TEAD1: variants seen among roughly 807,000 people sequenced by gnomAD.
The protein encoded by TEAD1 is TEA domain transcription factor 1.
Under a neutral mutation model 54.9 loss-of-function variants are expected in TEAD1, and 9 were observed. The observed-to-expected ratio is 0.16, with a 90% confidence interval of 0.10 to 0.29. TEAD1 has a LOEUF of 0.29. Ranked by LOEUF, TEAD1 falls within the 10% of genes least tolerant of loss-of-function variation. The probability of loss-of-function intolerance (pLI) is 1.00; values close to 1 mark genes in which losing one functional copy is unlikely to be tolerated. For missense variants in TEAD1, 387 were observed against 535.9 expected, an observed-to-expected ratio of 0.72 and a Z score of 2.74; for synonymous variants, 200 against 187.8, an observed-to-expected ratio of 1.07 and a Z score of -0.53.
At chr11:12,895,165 A>G (rs1015891906) in intron 9 of TEAD1, among the ~76,000 whole-genome samples, 4 of 152,068 alleles carry the variant, frequency 2.6e-5, no homozygotes, top group African/African-American at 9.7e-5. Flanking sequence ...TGACCCATAG[A>G]GCAGCTTTGA....
chr11:12,695,048 C>G (rs1943551252), intron 2 of TEAD1, among the ~76,000 whole-genome samples: 1 of 152,172 alleles, frequency 6.6e-6, no homozygotes, highest in African/African-American at 2.4e-5. Context: ...AAAGCAAATG[C>G]AAAAGTTTGC....
chr11:12,907,822 A>G (rs1181355451), intron 10 of TEAD1, among the ~76,000 whole-genome samples: 1 of 152,090 alleles, frequency 6.6e-6, no homozygotes, highest in Non-Finnish European at 1.5e-5. Context: ...CATCTGCTAG[A>G]CTCCAGAATC....
At chr11:12,781,968 A>AAAAG (rs1185531396) in intron 3 of TEAD1, among the ~76,000 whole-genome samples, 113 of 135,606 alleles carry the variant, frequency 8.3e-4, no homozygotes, top group African/African-American at 3.9e-3. Context: ...AAAAAAAAAA[A>AAAAG]AAAGAAAGAA....
intron 3 of TEAD1, among the ~76,000 whole-genome samples, chr11:12,769,345 A>G (rs1009122433): frequency 1.3e-5 from 2 of 152,148 alleles, no homozygotes; most frequent in African/African-American, 2.4e-5. Context: ...CAGAAGTCAG[A>G]AGAGGAAAGA....
chr11:12,849,842 A>G (rs1947232949), intron 3 of TEAD1, among the ~76,000 whole-genome samples: 1 of 152,216 alleles, frequency 6.6e-6, no homozygotes, highest in Admixed American at 6.5e-5. Flanking sequence ...TCAAATTAAA[A>G]GATTTGTGCC....
intron 3 of TEAD1, among the ~76,000 whole-genome samples, chr11:12,773,871 T>A (rs1609442): frequency 0.36 from 54,372 of 152,084 alleles, 10,117 homozygotes; most frequent in South Asian, 0.61. Context: ...TGCCTAGCCC[T>A]AGGTCCTGAA....
chr11:12,705,133 A>G (rs1943786676), intron 2 of TEAD1, among the ~76,000 whole-genome samples: 1 of 152,188 alleles, frequency 6.6e-6, no homozygotes, highest in Non-Finnish European at 1.5e-5. Flanking sequence ...GGCTGGAAGG[A>G]GGGATGAGGC....
intron 3 of TEAD1, chr11:12,823,755 A>G (rs1946598058): frequency 1.3e-5 from 2 of 152,198 alleles, no homozygotes; most frequent in African/African-American, 2.4e-5. Flanking sequence ...TTTTTGTCCA[A>G]AATCCCATTA....
intron 12 of TEAD1, among the ~76,000 whole-genome samples, chr11:12,936,348 T>G (rs1213189215): frequency 1.3e-5 from 2 of 152,172 alleles, no homozygotes; most frequent in Non-Finnish European, 1.5e-5. Flanking sequence ...CAATACATTT[T>G]GAAAGATAAA....
chr11:12,677,548 C>T (rs1024631057), intron 2 of TEAD1, among the ~76,000 whole-genome samples: 2 of 152,144 alleles, frequency 1.3e-5, no homozygotes, highest in African/African-American at 4.8e-5. Context: ...CCTGCTTGAG[C>T]TTCAGCAGTT....
chr11:12,887,869 G>A (rs1414557475), intron 9 of TEAD1, among the ~76,000 whole-genome samples: 1 of 152,118 alleles, frequency 6.6e-6, no homozygotes, highest in African/African-American at 2.4e-5. Flanking sequence ...TAATTAAAGG[G>A]CCCTAAGTAA....
At chr11:12,698,290 G>A (rs1048887290) in intron 2 of TEAD1, among the ~76,000 whole-genome samples, 39 of 152,064 alleles carry the variant, frequency 2.6e-4, no homozygotes, top group African/African-American at 7.7e-4. Flanking sequence ...TCCTTGCTGC[G>A]CTCTCTCTTT....
chr11:12,722,205 A>C (rs1944217946), intron 2 of TEAD1, among the ~76,000 whole-genome samples: 1 of 152,218 alleles, frequency 6.6e-6, no homozygotes, highest in South Asian at 2.1e-4. Context: ...CTACAGTGAC[A>C]AGATGGGCCA....
At chr11:12,787,954 A>G (rs1945713348) in intron 3 of TEAD1, among the ~76,000 whole-genome samples, 1 of 146,802 alleles carries the variant, frequency 6.8e-6, no homozygotes, top group Admixed American at 7.0e-5. Flanking sequence ...GACTGTATAA[A>G]TCTTTCACTT....
intron 5 of TEAD1, among the ~76,000 whole-genome samples, chr11:12,866,677 A>C (rs1356026484): frequency 6.6e-6 from 1 of 152,186 alleles, no homozygotes; most frequent in Non-Finnish European, 1.5e-5. Context: ...AAGCAGTAGG[A>C]TAGCAACTGG....
chr11:12,767,624 C>T (rs996548266), intron 3 of TEAD1, among the ~76,000 whole-genome samples: 26 of 152,092 alleles, frequency 1.7e-4, no homozygotes, highest in East Asian at 3.9e-4. Context: ...TTTTGGCCAC[C>T]GGAGGAGGTG....
intron 2 of TEAD1, among the ~76,000 whole-genome samples, chr11:12,750,345 C>A (rs1435236514): frequency 2.0e-5 from 3 of 152,084 alleles, no homozygotes; most frequent in Non-Finnish European, 4.4e-5. Context: ...AGGTACCGAG[C>A]AGAGTTAATC....
intron 2 of TEAD1, among the ~76,000 whole-genome samples, chr11:12,750,960 C>G (rs1944857685): frequency 6.6e-6 from 1 of 152,158 alleles, no homozygotes; most frequent in Admixed American, 6.5e-5. Context: ...ACCATTCAGT[C>G]CTGTTTTTTG....
At chr11:12,787,790 T>C (rs994991005) in intron 3 of TEAD1, among the ~76,000 whole-genome samples, 3 of 152,200 alleles carry the variant, frequency 2.0e-5, no homozygotes, top group African/African-American at 7.2e-5. Flanking sequence ...AAAATTATGT[T>C]TTTTGGAGAA....
Sources: gnomAD v4.1 joint callset for allele counts (sites outside exome capture counted in the v4.1 genomes callset) on GRCh38, gnomAD v4.1.1 for gene constraint, MANE v1.5 for transcripts, NCBI Gene and HGNC (gene_info 2026-07-23, HGNC 2026-07-21) for gene names.